Variants in KCTD18 observed in about 807,000 individuals in gnomAD.
KCTD18 encodes potassium channel tetramerization domain containing 18.
KCTD18 carries 22 observed loss-of-function variants against 30.4 expected under a neutral mutation model. That is an observed-to-expected ratio of 0.72 (90% CI 0.52 to 1.03). The LOEUF is 1.03. KCTD18 is among the 50% of genes least tolerant of loss of function. KCTD18 has a pLI of 0.00. For missense variants in KCTD18, 529 were observed against 547.6 expected, an observed-to-expected ratio of 0.97 and a Z score of 0.34; for synonymous variants, 186 against 209.0, an observed-to-expected ratio of 0.89 and a Z score of 0.95.
At chr2:200,495,112 T>C (rs974810827) in intron 5 of KCTD18, among the ~76,000 whole-genome samples, 4 of 152,112 alleles carry the variant, frequency 2.6e-5, no homozygotes, top group African/African-American at 9.7e-5. Flanking sequence ...TATAGAAAAG[T>C]ATATATAAGG....
chr2:200,502,644 A>G (rs1028661348), intron 3 of KCTD18, among the ~76,000 whole-genome samples: 3 of 152,220 alleles, frequency 2.0e-5, no homozygotes, highest in African/African-American at 7.2e-5. Flanking sequence ...AGATATAACA[A>G]TGAACAATGG....
chr2:200,495,491 G>A (rs774546446), intron 5 of KCTD18, among the ~76,000 whole-genome samples: 6 of 152,110 alleles, frequency 3.9e-5, no homozygotes, highest in Admixed American at 2.0e-4. Context: ...CTGGGTCAAA[G>A]AATATGAACA....
intron 1 of KCTD18, among the ~76,000 whole-genome samples, chr2:200,508,381 C>T (rs2030323057): frequency 6.6e-6 from 1 of 152,178 alleles, no homozygotes; most frequent in Non-Finnish European, 1.5e-5. Flanking sequence ...TGAGCCACTG[C>T]ACCAGGCCCA....
At chr2:200,503,244 T>G (rs947539917) in intron 3 of KCTD18, among the ~76,000 whole-genome samples, 5 of 152,200 alleles carry the variant, frequency 3.3e-5, no homozygotes, top group African/African-American at 1.2e-4. Flanking sequence ...AGATGCCTAG[T>G]ATTTACTGAC....
intron 2 of KCTD18, 29 bp from the exon 3 acceptor site, chr2:200,504,988 A>T (rs1273782152): frequency 1.9e-6 from 3 of 1,553,716 alleles, no homozygotes; most frequent in Non-Finnish European, 2.7e-6. Context: ...AAAAATGATT[A>T]TAGAGATTCT....
chr2:200,508,538 T>G (rs1279794623), intron 1 of KCTD18, among the ~76,000 whole-genome samples: 1 of 152,206 alleles, frequency 6.6e-6, no homozygotes, highest in Non-Finnish European at 1.5e-5. Context: ...ACACATTTCA[T>G]AGCAAGTTGA....
At position 200,497,711 on chromosome 2, in the gene KCTD18, A is replaced by G. The variant is rs989873415; in HGVS notation, c.661+42T>C. On this transcript the variant is annotated intron_variant, in intron 5 of 6. Transcript: ENST00000359878. Reference sequence around the variant, plus strand: ...TGAGCTTACTTTGTCTTTTTTTTTTAAAGTCCACCTGCTTCCATGAAATAA... The same window carrying G: ...TGAGCTTACTTTGTCTTTTTTTTTTGAAGTCCACCTGCTTCCATGAAATAA... 3.8e-5 allele frequency: 46 copies of G among 1,221,620 alleles called. No individual in the cohort carries two copies. In the East Asian group the frequency reaches 4.3e-4, roughly 11 times the overall value. The allele number at this position is 1,221,620 out of a possible 1,614,324, so 75.7% of individuals were successfully genotyped here. A position where few individuals can be genotyped will look rare whatever the true frequency, so the allele number is the denominator to read the frequency against.
At chr2:200,500,226 A>G (rs910879701) in intron 3 of KCTD18, among the ~76,000 whole-genome samples, 1 of 149,990 alleles carries the variant, frequency 6.7e-6, no homozygotes, top group Non-Finnish European at 1.5e-5. Context: ...GGCACAAGAC[A>G]GGGATGCCCT....
In KCTD18 at chr2:200,498,891, C is replaced by T; in HGVS notation, c.566G>A (p.Arg189Lys). 1.9e-6 allele frequency: 3 copies of T among 1,613,054 alleles called. No homozygotes were observed. The highest frequency in any genetic ancestry group is 2.5e-6 in the Non-Finnish European group (3 of 1,179,360). Residue 189 changes from arginine to lysine, a missense_variant and splice_region_variant, in exon 4 of 7, where the codon AGA becomes AAA. Coordinates refer to ENST00000359878, the MANE Select transcript of KCTD18 (RefSeq NM_152387.4). Reference sequence around the variant, plus strand: ...TTTTCACATTTAAATTTGGACATACCTTTTAAAAATGCCTTTGCTGTGAAT... The same window carrying T: ...TTTTCACATTTAAATTTGGACATACTTTTTAAAAATGCCTTTGCTGTGAAT... ...GRIHSKGIFK[R>K]EAGNNVQYIW... is the part of the protein sequence containing the mutation.
At chr2:200,500,274 T>C (rs1206823635) in intron 3 of KCTD18, among the ~76,000 whole-genome samples, 2 of 147,772 alleles carry the variant, frequency 1.4e-5, no homozygotes, top group Admixed American at 6.8e-5. Flanking sequence ...TTGGAAGTTC[T>C]GGCTAGGGCA....
chr2:200,505,532 C>T (rs2030140970), intron 2 of KCTD18, among the ~76,000 whole-genome samples: 1 of 152,218 alleles, frequency 6.6e-6, no homozygotes, highest in Non-Finnish European at 1.5e-5. Flanking sequence ...GATGCAATGA[C>T]TATATTCCCA....
chr2:200,501,833 C>T (rs1471580667), intron 3 of KCTD18, among the ~76,000 whole-genome samples: 6 of 151,226 alleles, frequency 4.0e-5, no homozygotes, highest in Non-Finnish European at 8.9e-5. Flanking sequence ...AAGACACATG[C>T]ACACGTATGT....
chr2:200,509,375 C>G (rs947445120), intron 1 of KCTD18, among the ~76,000 whole-genome samples: 3 of 152,132 alleles, frequency 2.0e-5, no homozygotes, highest in African/African-American at 4.8e-5. Context: ...CTTTCACTCT[C>G]TAAGCATCTG....
intron 6 of KCTD18, 50 bp downstream of exon 6, chr2:200,493,122 A>C (rs777672131): frequency 1.9e-6 from 2 of 1,060,976 alleles, no homozygotes; most frequent in South Asian, 2.5e-5. Context: ...GGCAGTAAAA[A>C]TGTCAGCGAT....
intron 3 of KCTD18, among the ~76,000 whole-genome samples, chr2:200,502,515 T>C (rs57780957): frequency 8.5e-5 from 13 of 152,320 alleles, no homozygotes; most frequent in African/African-American, 3.1e-4. Flanking sequence ...GATACGAATA[T>C]GTAAACTCAA....
At chr2:200,495,441 T>A (rs1472135629) in intron 5 of KCTD18, among the ~76,000 whole-genome samples, 1 of 152,156 alleles carries the variant, frequency 6.6e-6, no homozygotes, top group Non-Finnish European at 1.5e-5. Flanking sequence ...TGTGTTTATG[T>A]CCTTAAGATA....
At chr2:200,503,742 C>T (rs1036311055) in intron 3 of KCTD18, among the ~76,000 whole-genome samples, 1 of 152,170 alleles carries the variant, frequency 6.6e-6, no homozygotes, top group Non-Finnish European at 1.5e-5. Flanking sequence ...ATGCTGCACT[C>T]CTAATAACCA....
intron 6 of KCTD18, among the ~76,000 whole-genome samples, chr2:200,492,149 G>T (rs2087929486): frequency 6.6e-6 from 1 of 152,024 alleles, no homozygotes; most frequent in African/African-American, 2.4e-5. Flanking sequence ...TCTTCCACCA[G>T]ACTCCACACT....
At chr2:200,497,700 C>CT (rs540912538) in intron 5 of KCTD18, 53 bp downstream of exon 5, 6,354 of 1,025,700 alleles carry the variant, frequency 6.2e-3, no homozygotes, top group Non-Finnish European at 7.5e-3. Context: ...CTTACTTTGT[C>CT]TTTTTTTTTT....
Sources: allele counts gnomAD v4.1 joint callset (sites outside exome capture counted in the v4.1 genomes callset), GRCh38; gene constraint gnomAD v4.1.1; transcripts MANE v1.5; gene names NCBI Gene and HGNC (gene_info 2026-07-23, HGNC 2026-07-21).